Variants in THEMIS observed in about 807,000 individuals in gnomAD.
THEMIS encodes protein THEMIS.
A neutral mutation model predicts 52.6 loss-of-function variants in THEMIS; 37 were observed. The ratio of observed to expected loss-of-function variants is 0.70; its 90% confidence interval spans 0.54 to 0.93. The LOEUF (loss-of-function observed/expected upper bound fraction) is 0.93, where lower values mean the gene tolerates loss of function less well. Among genes scored for constraint, THEMIS ranks in the 40% least tolerant of loss-of-function variants. The pLI, the probability that THEMIS is intolerant of heterozygous loss-of-function variation, is 0.00. For synonymous variants in THEMIS, 292 were observed against 272.7 expected, an observed-to-expected ratio of 1.07 and a Z score of -0.70; for missense variants, 808 against 763.1, an observed-to-expected ratio of 1.06 and a Z score of -0.69.
At chr6:127,886,961 C>A (rs1780664969) in intron 1 of THEMIS, among the ~76,000 whole-genome samples, 2 of 151,948 alleles carry the variant, frequency 1.3e-5, no homozygotes, top group South Asian at 4.1e-4. Flanking sequence ...AAGTTTTGTG[C>A]TCTCAGGTTA....
intron 2 of THEMIS, among the ~76,000 whole-genome samples, chr6:127,850,576 TC>T (rs754864037): frequency 3.3e-5 from 5 of 151,916 alleles, no homozygotes; most frequent in African/African-American, 9.7e-5. Context: ...TGAAATAATG[TC>T]TTTTGCAGCA....
chr6:127,873,826 A>C (rs1312132082), intron 1 of THEMIS, among the ~76,000 whole-genome samples: 1 of 152,244 alleles, frequency 6.6e-6, no homozygotes, highest in Non-Finnish European at 1.5e-5. Flanking sequence ...TAGCGAAAAG[A>C]AAATGTCACT....
At chr6:127,797,127 T>C (rs1207138542) in intron 4 of THEMIS, among the ~76,000 whole-genome samples, 2 of 152,234 alleles carry the variant, frequency 1.3e-5, no homozygotes, top group African/African-American at 4.8e-5. Context: ...CTTCAACTCC[T>C]GCATCCGTGC....
At chr6:127,799,500 C>A (rs1445710495) in intron 4 of THEMIS, among the ~76,000 whole-genome samples, 2 of 152,038 alleles carry the variant, frequency 1.3e-5, no homozygotes, top group East Asian at 1.9e-4. Context: ...GAAATGAGAA[C>A]CCCATTGGTA....
At chr6:127,856,384 T>C (rs1779618992) in intron 1 of THEMIS, among the ~76,000 whole-genome samples, 1 of 151,862 alleles carries the variant, frequency 6.6e-6, no homozygotes, top group Non-Finnish European at 1.5e-5. Flanking sequence ...TCAGGAAGTT[T>C]ATCATAGGGG....
At chr6:127,827,962 G>GTT (rs1457420797) in intron 3 of THEMIS, among the ~76,000 whole-genome samples, 1 of 151,804 alleles carries the variant, frequency 6.6e-6, no homozygotes, top group Non-Finnish European at 1.5e-5. Flanking sequence ...TGCCCTCTCC[G>GTT]TTTTTTTCTC....
At chr6:127,898,111 A>G (rs1414696165) in intron 1 of THEMIS, among the ~76,000 whole-genome samples, 1 of 151,730 alleles carries the variant, frequency 6.6e-6, no homozygotes, top group Non-Finnish European at 1.5e-5. Flanking sequence ...ATAGTATATA[A>G]TGACTGAGAA....
At chr6:127,783,936 C>A (rs761980893) in intron 4 of THEMIS, among the ~76,000 whole-genome samples, 2 of 152,138 alleles carry the variant, frequency 1.3e-5, no homozygotes, top group Non-Finnish European at 2.9e-5. Flanking sequence ...CACATGCACA[C>A]GTATGTTTAT....
chr6:127,836,183 T>C (rs1778868838), intron 2 of THEMIS, among the ~76,000 whole-genome samples: 1 of 152,172 alleles, frequency 6.6e-6, no homozygotes, highest in Admixed American at 6.5e-5. Flanking sequence ...AATGGAATGT[T>C]AGTAGAAAGA....
chr6:127,877,353 C>T (rs1780345091), intron 1 of THEMIS, among the ~76,000 whole-genome samples: 1 of 152,216 alleles, frequency 6.6e-6, no homozygotes, highest in Admixed American at 6.5e-5. Context: ...AACAGCTTGA[C>T]TAACTGCTTG....
intron 1 of THEMIS, among the ~76,000 whole-genome samples, chr6:127,867,730 G>A (rs1780027529): frequency 6.6e-6 from 1 of 152,044 alleles, no homozygotes; most frequent in Non-Finnish European, 1.5e-5. Flanking sequence ...TAACCTAAAA[G>A]GTGAGGGAAA....
chr6:127,861,783 C>CAAAAAAAAAAAAAAAAAAAAAAAGAAAA (rs1225783673), intron 1 of THEMIS, among the ~76,000 whole-genome samples: 1 of 95,700 alleles, frequency 1.0e-5, no homozygotes, highest in Non-Finnish European at 2.0e-5. Flanking sequence ...GACTCCATCT[C>CAAAAAAAAAAAAAAAAAAAAAAAGAAAA]AAAAAAAAAA....
chr6:127,820,768 T>C (rs970965655), intron 3 of THEMIS, among the ~76,000 whole-genome samples: 3 of 152,100 alleles, frequency 2.0e-5, no homozygotes, highest in African/African-American at 7.2e-5. Context: ...CTCTCTCATG[T>C]CTGCTAATAC....
chr6:127,740,595 T>C (rs1775168265), intron 4 of THEMIS, among the ~76,000 whole-genome samples: 1 of 152,204 alleles, frequency 6.6e-6, no homozygotes, highest in South Asian at 2.1e-4. Flanking sequence ...CTTGTTTTGC[T>C]GACATGCTTT....
chr6:127,917,856 G>A (rs904321130), intron 1 of THEMIS, among the ~76,000 whole-genome samples: 3 of 152,172 alleles, frequency 2.0e-5, no homozygotes, highest in Non-Finnish European at 2.9e-5. Context: ...TACTTTCCCT[G>A]ACTTCCTCAT....
At chr6:127,888,784 G>C (rs1319275495) in intron 1 of THEMIS, among the ~76,000 whole-genome samples, 3 of 152,048 alleles carry the variant, frequency 2.0e-5, no homozygotes, top group Admixed American at 1.3e-4. Context: ...GCAATATGAA[G>C]AGTAGTTAAA....
At chr6:127,754,346 A>T (rs1187489527) in intron 4 of THEMIS, among the ~76,000 whole-genome samples, 1 of 152,074 alleles carries the variant, frequency 6.6e-6, no homozygotes, top group Non-Finnish European at 1.5e-5. Flanking sequence ...TTTAGTACAT[A>T]ATTCTTATGG....
In THEMIS at chr6:127,813,068, G is replaced by A. The variant is rs748224926; in HGVS notation, c.1573C>T (p.Pro525Ser). Reference sequence around the variant, plus strand: ...TCTACCAGAGTCCTGACTAGAAATGGTTCTGCATCCCTAGAGAAATTACTA... The same window carrying A: ...TCTACCAGAGTCCTGACTAGAAATGATTCTGCATCCCTAGAGAAATTACTA... ...LVSNFSRDAE[P>S]FLVRTLVEEI... Residue 525 changes from proline to serine, a missense_variant, in exon 4 of 6, where the codon CCA (proline) becomes TCA (serine). Transcript: ENST00000368248. The A allele has an allele frequency of 3.1e-6, 5 of 1,613,954 alleles. No homozygotes were observed. Among genetic ancestry groups the A allele is most frequent in the Non-Finnish European group, 8.5e-7 (1 of 1,180,030 alleles).
At chr6:127,891,538 C>CAAAAAAAAAAAAAAAA (rs67886431) in intron 1 of THEMIS, among the ~76,000 whole-genome samples, 3 of 96,834 alleles carry the variant, frequency 3.1e-5, no homozygotes, top group Non-Finnish European at 4.1e-5. Context: ...TCCAGCTCAA[C>CAAAAAAAAAAAAAAAA]AAAAAAAAAA....
Sources: gnomAD v4.1 joint callset for allele counts (sites outside exome capture counted in the v4.1 genomes callset) on GRCh38, gnomAD v4.1.1 for gene constraint, MANE v1.5 for transcripts, NCBI Gene and HGNC (gene_info 2026-07-23, HGNC 2026-07-21) for gene names.